GSG1L: variants seen among roughly 807,000 people sequenced by gnomAD.
GSG1L encodes the protein GSG1 like, also known as germ cell-specific gene 1-like protein.
GSG1L carries 24 observed loss-of-function variants against 42.1 expected under a neutral mutation model. That is an observed-to-expected ratio of 0.57 (90% confidence interval 0.41 to 0.80). GSG1L has a LOEUF of 0.80. GSG1L is among the 30% of genes least tolerant of loss of function. GSG1L has a pLI of 0.00. For synonymous variants in GSG1L, 215 were observed against 203.5 expected (o/e 1.06, Z -0.48); for missense variants, 445 against 472.2 (o/e 0.94, Z 0.53).
chr16:27,847,829 G>A (rs575133062), intron 3 of GSG1L, among the ~76,000 whole-genome samples: 53 of 152,166 alleles, frequency 3.5e-4, no homozygotes, highest in African/African-American at 1.1e-3. Flanking sequence ...CTTCCCCTTC[G>A]CCCTCTGCTG....
rs780902974 is a variant in GSG1L, at chr16:27,828,779, G to A, written c.830+10C>T. ...CCGTGGTGGCCAGAGGTAACCCCCTGTGCACTGACCTCTCCCGGAAGTACT... is the reference window on the plus strand; with the variant it reads ...CCGTGGTGGCCAGAGGTAACCCCCTATGCACTGACCTCTCCCGGAAGTACT... On this transcript the variant is annotated intron_variant, in intron 5 of 6. Coordinates refer to ENST00000447459, the MANE Select transcript of GSG1L (RefSeq NM_001109763.2). 1 of 1,612,980 alleles carries A rather than the reference G, an allele frequency of 6.2e-7. No individual in the cohort carries two copies. The highest frequency in any genetic ancestry group is 8.5e-7 in the Non-Finnish European group (1 of 1,179,156).
intron 2 of GSG1L, among the ~76,000 whole-genome samples, chr16:27,926,449 A>T (rs1375545442): frequency 6.6e-6 from 1 of 152,048 alleles, no homozygotes; most frequent in Non-Finnish European, 1.5e-5. Flanking sequence ...CTGGTGGATC[A>T]CCTGAGGTCA....
chr16:27,980,282 A>G (rs1396842770), intron 1 of GSG1L, among the ~76,000 whole-genome samples: 2 of 152,142 alleles, frequency 1.3e-5, no homozygotes, highest in African/African-American at 4.8e-5. Flanking sequence ...AGGGGTCACT[A>G]AGGAGCCCAG....
At chr16:28,008,476 C>G (rs1413908407) in intron 1 of GSG1L, among the ~76,000 whole-genome samples, 2 of 152,246 alleles carry the variant, frequency 1.3e-5, no homozygotes, top group Non-Finnish European at 2.9e-5. Context: ...AGCATGACAC[C>G]TGGCCAAGGC....
At chr16:27,876,643 C>G (rs953191985) in intron 3 of GSG1L, among the ~76,000 whole-genome samples, 1 of 152,150 alleles carries the variant, frequency 6.6e-6, no homozygotes, top group Admixed American at 6.5e-5. Context: ...ACCTAGTTCC[C>G]GAGGATGTGA....
chr16:27,853,775 C>A (rs1467661265), intron 3 of GSG1L, among the ~76,000 whole-genome samples: 1 of 152,188 alleles, frequency 6.6e-6, no homozygotes, highest in Non-Finnish European at 1.5e-5. Flanking sequence ...CTGCCCCCAT[C>A]CAGCCCTGTG....
chr16:27,968,022 A>G lies in GSG1L; in HGVS notation c.350-4819T>C, dbSNP rs906213267. Among the ~76,000 whole-genome samples, 13 of 152,282 alleles carry G rather than the reference A, an allele frequency of 8.5e-5. No homozygotes were observed. The East Asian group carries it at 9.6e-4, about 11-fold the overall frequency. On this transcript the variant is annotated intron_variant, in intron 1 of 6. Coordinates refer to ENST00000447459, the MANE Select transcript of GSG1L (RefSeq NM_001109763.2). ...TATATTGCTGGAATGGAGGAGATGTAATGGCCAAATTCAGACCAACACCCG... is the reference window on the plus strand; with the variant it reads ...TATATTGCTGGAATGGAGGAGATGTGATGGCCAAATTCAGACCAACACCCG...
At chr16:27,824,175 G>A (rs2083181404) in intron 5 of GSG1L, among the ~76,000 whole-genome samples, 1 of 152,232 alleles carries the variant, frequency 6.6e-6, no homozygotes. Flanking sequence ...CCATGTGCCA[G>A]GCACTTGGCG....
At chr16:27,905,156 C>T (rs1249596889) in intron 2 of GSG1L, among the ~76,000 whole-genome samples, 2 of 152,184 alleles carry the variant, frequency 1.3e-5, no homozygotes, top group Non-Finnish European at 2.9e-5. Context: ...TAAAAATTCA[C>T]CCCAGAGAGG....
intron 2 of GSG1L, among the ~76,000 whole-genome samples, chr16:27,887,095 A>C (rs1162227566): frequency 1.3e-5 from 2 of 152,074 alleles, no homozygotes; most frequent in African/African-American, 4.8e-5. Flanking sequence ...AGCTGGGACT[A>C]CAGGCATGCA....
At chr16:27,984,382 A>G (rs1055041861) in intron 1 of GSG1L, among the ~76,000 whole-genome samples, 13 of 152,244 alleles carry the variant, frequency 8.5e-5, no homozygotes, top group South Asian at 8.3e-4. Context: ...AGCCACTTCT[A>G]TGTGGAGTGG....
At chr16:28,039,602 T>C (rs1427833418) in intron 1 of GSG1L, among the ~76,000 whole-genome samples, 2 of 137,150 alleles carry the variant, frequency 1.5e-5, no homozygotes, top group African/African-American at 2.7e-5. Context: ...TACCCACACT[T>C]GCACACACAC....
intron 1 of GSG1L, among the ~76,000 whole-genome samples, chr16:28,057,639 C>T (rs536767769): frequency 1.3e-5 from 2 of 151,992 alleles, no homozygotes; most frequent in Non-Finnish European, 1.5e-5. Flanking sequence ...ATGTGATGCA[C>T]GGGCCACCTG....
At chr16:28,011,770 A>T (rs2085721650) in intron 1 of GSG1L, among the ~76,000 whole-genome samples, 1 of 152,208 alleles carries the variant, frequency 6.6e-6, no homozygotes, top group African/African-American at 2.4e-5. Context: ...TAGAGCTGAG[A>T]TGCCTGATTC....
At chr16:27,923,331 C>A (rs1339838781) in intron 2 of GSG1L, among the ~76,000 whole-genome samples, 4 of 152,148 alleles carry the variant, frequency 2.6e-5, no homozygotes, top group Non-Finnish European at 5.9e-5. Flanking sequence ...GGAGGATCAT[C>A]CTCACTCCCA....
chr16:27,821,474 G>A lies in GSG1L; in HGVS notation c.830+7315C>T, dbSNP rs1034054057. Among the ~76,000 whole-genome samples, 7 of 152,094 alleles carry A rather than the reference G, an allele frequency of 4.6e-5. 1 individual carries two copies. Among genetic ancestry groups the A allele is most frequent in the African/African-American group, 1.2e-4 (5 of 41,482 alleles). ...GCAGTCCCCAATGTCTGTTGTTCCCGTCTTTATGTCCATGTGTACCCAGTG... is the reference window on the plus strand; with the variant it reads ...GCAGTCCCCAATGTCTGTTGTTCCCATCTTTATGTCCATGTGTACCCAGTG... On this transcript the variant is annotated intron_variant, in intron 5 of 6. Coordinates refer to ENST00000447459, the MANE Select transcript of GSG1L (RefSeq NM_001109763.2).
intron 1 of GSG1L, among the ~76,000 whole-genome samples, chr16:28,055,383 C>G (rs2086268156): frequency 6.6e-6 from 1 of 152,082 alleles, no homozygotes; most frequent in Non-Finnish European, 1.5e-5. Flanking sequence ...GTCTTGAATT[C>G]CCCAAGGGAT....
intron 1 of GSG1L, among the ~76,000 whole-genome samples, chr16:28,018,810 C>T (rs1282863529): frequency 6.6e-6 from 1 of 152,134 alleles, no homozygotes; most frequent in Non-Finnish European, 1.5e-5. Context: ...ACATGAAGTG[C>T]TGAGACATGT....
intron 2 of GSG1L, among the ~76,000 whole-genome samples, chr16:27,949,068 C>T (rs2084921761): frequency 6.6e-6 from 1 of 151,916 alleles, no homozygotes; most frequent in South Asian, 2.1e-4. Context: ...CAGGCACGTG[C>T]CACCATGCGC....
Sources: allele counts gnomAD v4.1 joint callset (sites outside exome capture counted in the v4.1 genomes callset), GRCh38; gene constraint gnomAD v4.1.1; transcripts MANE v1.5; gene names NCBI Gene and HGNC (gene_info 2026-07-23, HGNC 2026-07-21).